The following HS6ST2 variants were observed in gnomAD, a reference collection of about 807,000 sequenced individuals.
HS6ST2 encodes the protein heparan-sulfate 6-O-sulfotransferase 2.
HS6ST2 carries 17 observed loss-of-function variants against 33.0 expected under a neutral mutation model. The ratio of observed to expected loss-of-function variants is 0.52; its 90% CI spans 0.35 to 0.77. The LOEUF (loss-of-function observed/expected upper bound fraction) is 0.77. HS6ST2 is among the 30% of genes least tolerant of loss of function. HS6ST2 has a pLI of 0.01. For missense variants in HS6ST2, 519 were observed against 551.7 expected (o/e 0.94, Z 0.59); for synonymous variants, 248 against 237.1 (o/e 1.05, Z -0.42).
chrX:132,880,977 T>C (rs1278440889), intron 2 of HS6ST2, among the ~76,000 whole-genome samples: 1 of 110,406 alleles, frequency 9.1e-6, no homozygotes, highest in Non-Finnish European at 1.9e-5. Context: ...TATGGCTGCA[T>C]AGTATTCCAT....
intron 2 of HS6ST2, among the ~76,000 whole-genome samples, chrX:132,772,914 AT>A (rs1444967795): frequency 1.1e-5 from 1 of 89,133 alleles, no homozygotes; most frequent in African/African-American, 4.4e-5. Flanking sequence ...AATATAATAT[AT>A]TTTATATAAT....
At chrX:132,670,955 G>A (rs1170207797) in intron 3 of HS6ST2, among the ~76,000 whole-genome samples, 2 of 112,340 alleles carry the variant, frequency 1.8e-5, no homozygotes, top group Non-Finnish European at 3.8e-5. Flanking sequence ...AGAGGAGGGG[G>A]CAGAAATCCA....
intron 2 of HS6ST2, among the ~76,000 whole-genome samples, chrX:132,827,505 G>C (rs935431477): frequency 1.8e-5 from 2 of 109,850 alleles, no homozygotes; most frequent in African/African-American, 6.6e-5. Context: ...TGGGAAAAGG[G>C]GAAAAAAGAA....
intron 2 of HS6ST2, among the ~76,000 whole-genome samples, chrX:132,943,191 C>T (rs1240318329): frequency 9.0e-6 from 1 of 111,652 alleles, no homozygotes; most frequent in African/African-American, 3.3e-5. Flanking sequence ...CAGATAGTTA[C>T]TTCAGGTCTC....
chrX:132,757,323 G>C (rs887402331), intron 2 of HS6ST2, among the ~76,000 whole-genome samples: 1 of 111,951 alleles, frequency 8.9e-6, no homozygotes, highest in African/African-American at 3.2e-5. Flanking sequence ...GGCTTCTGAA[G>C]AGTTGCTAAA....
At chrX:132,718,724 G>A (rs2064300455) in intron 2 of HS6ST2, among the ~76,000 whole-genome samples, 2 of 110,445 alleles carry the variant, frequency 1.8e-5, no homozygotes, top group Non-Finnish European at 3.8e-5. Context: ...AATACACAAG[G>A]AACAGAGGTA....
chrX:132,918,625 G>C (rs1220936996), intron 2 of HS6ST2, among the ~76,000 whole-genome samples: 1 of 111,513 alleles, frequency 9.0e-6, no homozygotes, highest in Non-Finnish European at 1.9e-5. Context: ...TACCTGCTTG[G>C]AATGTGATCA....
At chrX:132,935,403 C>T (rs958827906) in intron 2 of HS6ST2, among the ~76,000 whole-genome samples, 2 of 111,514 alleles carry the variant, frequency 1.8e-5, no homozygotes, top group Non-Finnish European at 3.8e-5. Context: ...TACTCTGTCA[C>T]CTAGGCTTCA....
In HS6ST2 at chrX:132,724,083, G is replaced by A. The variant is rs1458283258; in HGVS notation, c.948-15589C>T. ...TGAACCTGGGATCACGCGTGGCTGC[G>A]GCTGAGATCGTGCCACTGCACTCCA... is the stretch of plus-strand genomic sequence containing the variant. On this transcript the variant is annotated intron_variant, in intron 2 of 4. Coordinates refer to ENST00000370833, the MANE Select transcript of HS6ST2 (RefSeq NM_001394073.1). Among the ~76,000 whole-genome samples the A allele has an allele frequency of 6.3e-5, 7 of 111,617 alleles. No individual in the cohort carries two copies. The East Asian group carries it at 1.4e-3, about 22-fold the overall frequency.
chrX:132,885,906 AAG>A (rs2066246482), intron 2 of HS6ST2, among the ~76,000 whole-genome samples: 1 of 112,172 alleles, frequency 8.9e-6, no homozygotes, highest in Non-Finnish European at 1.9e-5. Flanking sequence ...TTAATAAACA[AAG>A]AAACTACCAA....
At chrX:132,951,919 T>C (rs761734115) in intron 2 of HS6ST2, among the ~76,000 whole-genome samples, 18 of 112,562 alleles carry the variant, frequency 1.6e-4, no homozygotes, top group Non-Finnish European at 3.4e-4. Flanking sequence ...TCTAAAGTAC[T>C]AAATTGTTCT....
chrX:132,664,722 A>G (rs1285207902), intron 4 of HS6ST2, among the ~76,000 whole-genome samples: 1 of 111,981 alleles, frequency 8.9e-6, no homozygotes, highest in African/African-American at 3.3e-5. Context: ...GGCCTTCACT[A>G]GTACTTGAAA....
At chrX:132,790,370 AT>A (rs1175323385) in intron 2 of HS6ST2, among the ~76,000 whole-genome samples, 6 of 111,967 alleles carry the variant, frequency 5.4e-5, no homozygotes, top group African/African-American at 1.9e-4. Context: ...AGTCATCATA[AT>A]GTTATTTCAC....
At chrX:132,887,328 A>G (rs938749366) in intron 2 of HS6ST2, among the ~76,000 whole-genome samples, 4 of 112,104 alleles carry the variant, frequency 3.6e-5, no homozygotes, top group Non-Finnish European at 7.5e-5. Flanking sequence ...TAATGAGAAC[A>G]TAAACCAATT....
chrX:132,769,124 T>C (rs780652826), intron 2 of HS6ST2, among the ~76,000 whole-genome samples: 7 of 111,651 alleles, frequency 6.3e-5, no homozygotes, highest in Non-Finnish European at 1.1e-4. Context: ...TTCCTCGGGG[T>C]GAGCTCTATA....
At position 132,948,600 on chromosome X, in the gene HS6ST2, A is replaced by C. The variant is rs894683813; in HGVS notation, c.947+8208T>G. Among the ~76,000 whole-genome samples, 3 of 112,567 alleles carry C rather than the reference A, an allele frequency of 2.7e-5. No individual in the cohort carries two copies. In the Admixed American group the frequency reaches 2.8e-4, roughly 11 times the overall value. On this transcript the variant is annotated intron_variant, in intron 2 of 4. Transcript: ENST00000370833. ...GCACAGTTTTTAGAGGCAAAATGGC[A>C]GAAATAACAAATGGGATGCAATAAG... is the stretch of plus-strand genomic sequence containing the variant.
intron 4 of HS6ST2, among the ~76,000 whole-genome samples, chrX:132,652,571 G>A (rs1172192168): frequency 9.0e-6 from 1 of 111,651 alleles, no homozygotes; most frequent in Non-Finnish European, 1.9e-5. Context: ...TGAGGTGAAA[G>A]TATGCCAAAA....
At chrX:132,922,723 C>T (rs1024859327) in intron 2 of HS6ST2, among the ~76,000 whole-genome samples, 1 of 111,144 alleles carries the variant, frequency 9.0e-6, no homozygotes, top group African/African-American at 3.3e-5. Context: ...TATATTGGTT[C>T]GGTTCAGAAA....
At chrX:132,796,508 G>A (rs963719534) in intron 2 of HS6ST2, among the ~76,000 whole-genome samples, 9 of 112,416 alleles carry the variant, frequency 8.0e-5, no homozygotes, top group Non-Finnish European at 1.7e-4. Context: ...TTTAATGGGA[G>A]TGTTTTCTAA....
Sources: allele counts gnomAD v4.1 joint callset (sites outside exome capture counted in the v4.1 genomes callset), GRCh38; gene constraint gnomAD v4.1.1; transcripts MANE v1.5; gene names NCBI Gene and HGNC (gene_info 2026-07-23, HGNC 2026-07-21).